The following DYM variants were observed in gnomAD, a reference collection of about 807,000 sequenced individuals.
The protein encoded by DYM is dymeclin.
In DYM, 78 loss-of-function variants were observed where a neutral mutation model predicts 93.1. That is an observed-to-expected ratio of 0.84 (90% CI 0.70 to 1.01). The LOEUF is 1.01. DYM is among the 50% of genes least tolerant of loss of function. DYM has a pLI of 0.00. For synonymous variants in DYM, 321 were observed against 319.7 expected (o/e 1.00, Z -0.04); for missense variants, 789 against 845.0 (o/e 0.93, Z 0.82).
intron 15 of DYM, among the ~76,000 whole-genome samples, chr18:49,152,584 A>G (rs2085943946): frequency 6.6e-6 from 1 of 152,234 alleles, no homozygotes; most frequent in African/African-American, 2.4e-5. Context: ...AGGTTCCTCA[A>G]ATAATTAAAA....
chr18:49,386,955 T>C (rs1050113241), intron 3 of DYM, among the ~76,000 whole-genome samples: 14 of 151,602 alleles, frequency 9.2e-5, no homozygotes, highest in African/African-American at 3.4e-4. Flanking sequence ...CTTTTTTTTT[T>C]TTTTTTGAAA....
chr18:49,273,774 C>T (rs1219485776), intron 10 of DYM, among the ~76,000 whole-genome samples: 15 of 151,248 alleles, frequency 9.9e-5, no homozygotes, highest in South Asian at 2.1e-4. Context: ...TTTCTCAGAA[C>T]GCCTCCCCAC....
At chr18:49,198,397 AAAGAGCT>A (rs1364299080) in intron 14 of DYM, among the ~76,000 whole-genome samples, 1 of 152,122 alleles carries the variant, frequency 6.6e-6, no homozygotes, top group Non-Finnish European at 1.5e-5. Flanking sequence ...TAATTCAACT[AAAGAGCT>A]TCTGCACAGC....
At chr18:49,298,506 G>C (rs975790597) in intron 8 of DYM, among the ~76,000 whole-genome samples, 13 of 151,876 alleles carry the variant, frequency 8.6e-5, no homozygotes, top group African/African-American at 3.1e-4. Flanking sequence ...GCTTGAACCT[G>C]GGAGGCAAAG....
chr18:49,058,179 C>G (rs1441835900), intron 17 of DYM, among the ~76,000 whole-genome samples: 1 of 152,194 alleles, frequency 6.6e-6, no homozygotes, highest in Non-Finnish European at 1.5e-5. Flanking sequence ...AATCAATGCC[C>G]CAGAAGGCAA....
chr18:49,210,633 T>G (rs2092735443), intron 13 of DYM, among the ~76,000 whole-genome samples: 1 of 152,178 alleles, frequency 6.6e-6, no homozygotes, highest in African/African-American at 2.4e-5. Context: ...GATACATACA[T>G]TTGTCAAAAA....
At chr18:49,200,193 T>C (rs1393122186) in intron 14 of DYM, among the ~76,000 whole-genome samples, 1 of 151,800 alleles carries the variant, frequency 6.6e-6, no homozygotes, top group African/African-American at 2.4e-5. Context: ...TTAGGGGTGG[T>C]TGGGAGGAGG....
At chr18:49,456,626 G>A (rs1016655253) in intron 1 of DYM, among the ~76,000 whole-genome samples, 36 of 152,078 alleles carry the variant, frequency 2.4e-4, no homozygotes, top group African/African-American at 8.5e-4. Context: ...AAAAATCAGA[G>A]AAGATACCAA....
chr18:49,319,127 C>A (rs957612766), intron 8 of DYM, among the ~76,000 whole-genome samples: 1 of 152,148 alleles, frequency 6.6e-6, no homozygotes, highest in Non-Finnish European at 1.5e-5. Flanking sequence ...ATTATTTCTA[C>A]TTTTAGAAAC....
At chr18:49,397,389 A>AT (rs1274077825) in intron 2 of DYM, among the ~76,000 whole-genome samples, 3 of 152,176 alleles carry the variant, frequency 2.0e-5, no homozygotes, top group African/African-American at 7.2e-5. Context: ...TATAAATCTT[A>AT]TTTTTACAGA....
chr18:49,256,161 T>C (rs1357280048), intron 13 of DYM, among the ~76,000 whole-genome samples: 2 of 151,250 alleles, frequency 1.3e-5, no homozygotes, highest in Non-Finnish European at 2.9e-5. Flanking sequence ...GACAGAATAA[T>C]GGCTCCCTCA....
At chr18:49,420,637 T>C (rs2073571736) in intron 2 of DYM, among the ~76,000 whole-genome samples, 1 of 152,060 alleles carries the variant, frequency 6.6e-6, no homozygotes, top group Non-Finnish European at 1.5e-5. Flanking sequence ...CTGAGGTACC[T>C]GGTTCATCTC....
intron 17 of DYM, among the ~76,000 whole-genome samples, chr18:49,089,127 A>G (rs1004352766): frequency 6.6e-6 from 1 of 152,134 alleles, no homozygotes; most frequent in African/African-American, 2.4e-5. Context: ...CAGTTTCCTC[A>G]CTTGCAGAAT....
At chr18:49,311,665 G>A (rs1411357740) in intron 8 of DYM, among the ~76,000 whole-genome samples, 1 of 149,038 alleles carries the variant, frequency 6.7e-6, no homozygotes, top group African/African-American at 2.5e-5. Context: ...CTCATAGGTG[G>A]GAACTGAACA....
At chr18:49,158,966 T>C (rs1244405731) in intron 15 of DYM, among the ~76,000 whole-genome samples, 1 of 152,144 alleles carries the variant, frequency 6.6e-6, no homozygotes, top group Non-Finnish European at 1.5e-5. Flanking sequence ...CTGATATTAC[T>C]CATTGTACGT....
intron 15 of DYM, among the ~76,000 whole-genome samples, chr18:49,145,108 C>CACATATATATATAT (rs74174741): frequency 1.1e-4 from 2 of 18,752 alleles, no homozygotes; most frequent in East Asian, 7.7e-4. Context: ...CAAAAAAATT[C>CACATATATATATAT]ATATATATAT....
intron 13 of DYM, 117 bp from the exon 14 acceptor site, chr18:49,209,832 A>G (rs914954748): frequency 7.1e-5 from 32 of 449,354 alleles, no homozygotes; most frequent in African/African-American, 1.5e-4. Context: ...GGTGCCCAAG[A>G]AAAAAAAAAA....
At chr18:49,308,437 G>A (rs972551546) in intron 8 of DYM, among the ~76,000 whole-genome samples, 4 of 152,150 alleles carry the variant, frequency 2.6e-5, no homozygotes, top group African/African-American at 9.7e-5. Flanking sequence ...CAAAAGAAAA[G>A]ATAGAGACAG....
intron 8 of DYM, among the ~76,000 whole-genome samples, chr18:49,324,408 T>C (rs1198979313): frequency 2.0e-5 from 3 of 152,150 alleles, no homozygotes; most frequent in African/African-American, 7.2e-5. Flanking sequence ...TTAGATAAAT[T>C]AGTCAATAAG....
Sources: gnomAD v4.1 joint callset for allele counts (sites outside exome capture counted in the v4.1 genomes callset) on GRCh38, gnomAD v4.1.1 for gene constraint, MANE v1.5 for transcripts, NCBI Gene and HGNC (gene_info 2026-07-23, HGNC 2026-07-21) for gene names.